RABIF: variants seen among roughly 807,000 people sequenced by gnomAD.
The protein encoded by RABIF is guanine nucleotide exchange factor MSS4.
Under a neutral mutation model 12.3 loss-of-function variants are expected in RABIF, and 13 were observed. That is an observed-to-expected ratio of 1.06 (90% CI 0.69 to 1.68). The LOEUF (loss-of-function observed/expected upper bound fraction) is 1.68. Among genes scored for constraint, RABIF ranks in the 40% most tolerant of loss-of-function variants. RABIF has a pLI of 0.00. For synonymous variants in RABIF, 70 were observed against 63.3 expected, an observed-to-expected ratio of 1.11 and a Z score of -0.50; for missense variants, 153 against 158.0, an observed-to-expected ratio of 0.97 and a Z score of 0.17.
intron 1 of RABIF, among the ~76,000 whole-genome samples, chr1:202,885,713 A>C (rs2102397313): frequency 6.6e-6 from 1 of 152,286 alleles, no homozygotes; most frequent in South Asian, 2.1e-4. Flanking sequence ...CTAATAAATA[A>C]CTGGTTAGAA....
In RABIF at chr1:202,889,129, G is replaced by GAC. The variant is rs781595163; in HGVS notation, c.-32_-31insGT. On this transcript the variant is annotated 5_prime_UTR_variant, in exon 1 of 2. Transcript: ENST00000367262. The stretch of plus-strand genomic sequence containing the variant: ...CTGCCGCCACAGGCTCCTCAGCCAC[G>GAC]GCTGCGCAGACGCTGTCTCTGCTGG... 3.4e-4 allele frequency: 541 copies of GAC among 1,587,678 alleles called. 3 individuals are homozygous for GAC. The African/African-American group carries it at 6.3e-3, about 18-fold the overall frequency.
rs1309939862 is a variant in RABIF, at chr1:202,880,862, A to T, written c.*116T>A. On this transcript the variant is annotated 3_prime_UTR_variant, in exon 2 of 2. Coordinates refer to ENST00000367262, the MANE Select transcript of RABIF (RefSeq NM_002871.5). ...TGTTCAAATGGACATGCTGGTACTC[A>T]GTATTTATATTAGCACAGACAAGAA... 4.0e-6 allele frequency: 6 copies of T among 1,516,906 alleles called. No individual in the cohort carries two copies. Among genetic ancestry groups the T allele is most frequent in the Non-Finnish European group, 5.3e-6 (6 of 1,135,270 alleles). The allele number at this position is 1,516,906 out of a possible 1,614,324, so 94.0% of individuals were successfully genotyped here. A position where few individuals can be genotyped will look rare whatever the true frequency, so the allele number is the denominator to read the frequency against.
At position 202,889,128 on chromosome 1, in the gene RABIF, C is replaced by A; in HGVS notation, c.-30G>T. 1 of 1,587,118 alleles carries A rather than the reference C, an allele frequency of 6.3e-7. No individual in the cohort carries two copies. Among genetic ancestry groups the A allele is most frequent in the Non-Finnish European group, 8.6e-7 (1 of 1,167,054 alleles). ...GCTGCCGCCACAGGCTCCTCAGCCA[C>A]GGCTGCGCAGACGCTGTCTCTGCTG... On this transcript the variant is annotated 5_prime_UTR_variant, in exon 1 of 2. Transcript: ENST00000367262.
At position 202,889,087 on chromosome 1, in the gene RABIF, C is replaced by G. The variant is rs34196310; in HGVS notation, c.12G>C (p.Ala4=). Residue 4 remains alanine, a synonymous_variant, in exon 1 of 2, where the codon GCG becomes GCC. Coordinates refer to ENST00000367262, the MANE Select transcript of RABIF (RefSeq NM_002871.5). ...CTGACACTAACTCGCTCGGCTGCTC[C>G]GCTGGTTCCATCGCCGCTGCCGCCA... MEP[A]EQPSELVSAE... 6 of 1,605,712 alleles carry G rather than the reference C, an allele frequency of 3.7e-6. No homozygotes were observed. Among genetic ancestry groups the G allele is most frequent in the Non-Finnish European group, 5.1e-6 (6 of 1,176,540 alleles).
chr1:202,880,909 C>T lies in RABIF; in HGVS notation c.*69G>A, dbSNP rs566606348. 3.0e-5 allele frequency: 48 copies of T among 1,582,486 alleles called. No homozygotes were observed. The South Asian group carries it at 5.5e-4, about 18-fold the overall frequency. On this transcript the variant is annotated 3_prime_UTR_variant, in exon 2 of 2. Transcript: ENST00000367262. ...AGAAGGCAGCGGAACAGTTATACCA[C>T]ATTAAAGGCCAGTTCTTGTGGGGAG...
intron 1 of RABIF, among the ~76,000 whole-genome samples, chr1:202,885,086 CAAAAAAAAAAAAAAAAAA>C (rs113531957): frequency 0.67 from 80,861 of 121,306 alleles, 23,316 homozygotes; most frequent in Non-Finnish European, 0.71. Context: ...GACTCTATCT[CAAAAAAAAAAAAAAAAAA>C]AAAAAAAAAG....
rs1659465929 is a variant in RABIF, at chr1:202,880,127, C to T, written c.*851G>A. 6.6e-6 allele frequency: 1 copy of T among 152,304 alleles called. No homozygotes were observed. The highest frequency in any genetic ancestry group is 2.1e-4 in the South Asian group (1 of 4,824). 9.4% of individuals were successfully genotyped at this position (152,304 alleles called of 1,614,324 possible). ...TGAACAAAAGAAGAAAGTTACTTGT[C>T]CAGATGTGGCAAATTATAAACTTTT... is the stretch of plus-strand genomic sequence containing the variant. On this transcript the variant is annotated 3_prime_UTR_variant, in exon 2 of 2. Coordinates refer to ENST00000367262, the MANE Select transcript of RABIF (RefSeq NM_002871.5).
intron 1 of RABIF, 36 bp downstream of exon 1, chr1:202,888,937 C>G (rs1198565909): frequency 6.6e-7 from 1 of 1,505,952 alleles, no homozygotes; most frequent in African/African-American, 1.4e-5. Context: ...TCGGGGGAGA[C>G]TGTGGGTGTA....
Position 202,880,903 on chromosome 1 carries a change from A to T in RABIF, c.*75T>A, listed in dbSNP as rs1423492874. 1.3e-6 allele frequency: 2 copies of T among 1,576,314 alleles called. No individual in the cohort carries two copies. Among genetic ancestry groups the T allele is most frequent in the African/African-American group, 2.7e-5 (2 of 74,064 alleles). ...CAGACAAGAAGGCAGCGGAACAGTT[A>T]TACCACATTAAAGGCCAGTTCTTGT... is the stretch of plus-strand genomic sequence containing the variant. On this transcript the variant is annotated 3_prime_UTR_variant, in exon 2 of 2. Transcript: ENST00000367262.
Position 202,879,796 on chromosome 1 carries a change from G to C in RABIF, c.*1182C>G, listed in dbSNP as rs1659461341. ...TACTTATTTCAATTTTAGGCCTCCTGAATAGTAGAGGTGGTGACAGGAGGA... is the reference window on the plus strand; with the variant it reads ...TACTTATTTCAATTTTAGGCCTCCTCAATAGTAGAGGTGGTGACAGGAGGA... On this transcript the variant is annotated 3_prime_UTR_variant, in exon 2 of 2. Coordinates refer to ENST00000367262, the MANE Select transcript of RABIF (RefSeq NM_002871.5). The C allele has an allele frequency of 1.3e-5, 2 of 152,206 alleles. No individual in the cohort carries two copies. 9.4% of individuals were successfully genotyped at this position (152,206 alleles called of 1,614,324 possible). A position where few individuals can be genotyped will look rare whatever the true frequency, so the allele number is the denominator to read the frequency against.
chr1:202,881,073 C>A lies in RABIF; in HGVS notation c.277G>T (p.Val93Phe), dbSNP rs759562699. The stretch of plus-strand genomic sequence containing the variant: ...GGTCCAATTTCACAGTCTGCGCAGA[C>A]CAGAAACTTGATGTTGCCCACGTCC... ...TKDVGNIKFL[V>F]CADCEIGPIG... The change falls in exon 2 of 2, where the codon GTC becomes TTC. Residue 93 changes from valine (V) to phenylalanine (F), a missense_variant. Val to Phe is a conservative substitution (Grantham distance 50). Coordinates refer to ENST00000367262, the MANE Select transcript of RABIF (RefSeq NM_002871.5). 8 of 1,614,042 alleles carry A rather than the reference C, an allele frequency of 5.0e-6. No homozygotes were observed. The highest frequency in any genetic ancestry group is 2.7e-5 in the African/African-American group (2 of 74,910).
intron 1 of RABIF, among the ~76,000 whole-genome samples, chr1:202,888,556 C>A (rs1659598813): frequency 6.6e-6 from 1 of 152,228 alleles, no homozygotes; most frequent in Non-Finnish European, 1.5e-5. Context: ...CAGCAACACC[C>A]GCGGTGAGCG....
chr1:202,888,495 G>A (rs963348966), intron 1 of RABIF, among the ~76,000 whole-genome samples: 35 of 152,348 alleles, frequency 2.3e-4, no homozygotes, highest in Admixed American at 3.9e-4. Context: ...CGTCATAAAT[G>A]AGACGGTGAA....
chr1:202,886,290 A>T (rs1467851064), intron 1 of RABIF, among the ~76,000 whole-genome samples: 2 of 35,412 alleles, frequency 5.6e-5, no homozygotes, highest in African/African-American at 2.4e-4. Flanking sequence ...AAGCGGGGGA[A>T]GGGAGGGGAG....
intron 1 of RABIF, among the ~76,000 whole-genome samples, chr1:202,886,734 TTTTC>T (rs1659567787): frequency 1.7e-5 from 1 of 58,104 alleles, no homozygotes; most frequent in African/African-American, 3.9e-5. Context: ...GTCTATGTTT[TTTTC>T]TTTTTTCTTT....
chr1:202,884,229 C>T (rs1471441269), intron 1 of RABIF, among the ~76,000 whole-genome samples: 2 of 152,168 alleles, frequency 1.3e-5, no homozygotes, highest in African/African-American at 4.8e-5. Flanking sequence ...TAAAATACTA[C>T]CTTTCTCATT....
At chr1:202,885,086 C>CAAAAAAAAAAAAAAAAAAAA (rs113531957) in intron 1 of RABIF, among the ~76,000 whole-genome samples, 1 of 120,660 alleles carries the variant, frequency 8.3e-6, no homozygotes, top group African/African-American at 3.5e-5. Flanking sequence ...GACTCTATCT[C>CAAAAAAAAAAAAAAAAAAAA]AAAAAAAAAA....
intron 1 of RABIF, among the ~76,000 whole-genome samples, chr1:202,885,456 G>C (rs1659547541): frequency 1.3e-5 from 2 of 152,362 alleles, no homozygotes; most frequent in South Asian, 2.1e-4. Context: ...CCTTTCTGCA[G>C]GCTTAACGGC....
chr1:202,883,610 C>T (rs1229051489), intron 1 of RABIF, among the ~76,000 whole-genome samples: 1 of 152,092 alleles, frequency 6.6e-6, no homozygotes, highest in Non-Finnish European at 1.5e-5. Flanking sequence ...ACCAATCAAC[C>T]AAGAATTCAG....
Sources: gnomAD v4.1 joint callset for allele counts (sites outside exome capture counted in the v4.1 genomes callset) on GRCh38, gnomAD v4.1.1 for gene constraint, MANE v1.5 for transcripts, NCBI Gene and HGNC (gene_info 2026-07-23, HGNC 2026-07-21) for gene names.